The following PAM variants were observed in gnomAD, a reference collection of about 807,000 sequenced individuals.
PAM encodes the protein peptidyl-glycine alpha-amidating monooxygenase.
Under a neutral mutation model 122.1 loss-of-function variants are expected in PAM, and 72 were observed. That is an observed-to-expected ratio of 0.59 (90% CI 0.49 to 0.72). The LOEUF (loss-of-function observed/expected upper bound fraction) is 0.72. Ranked by LOEUF, PAM falls within the 30% of genes least tolerant of loss-of-function variation. PAM has a pLI of 0.00. For synonymous variants in PAM, 389 were observed against 404.4 expected (o/e 0.96, Z 0.46); for missense variants, 1,106 against 1,183.7 (o/e 0.93, Z 0.96).
chr5:102,952,973 C>T (rs1210297084), intron 12 of PAM, among the ~76,000 whole-genome samples: 1 of 152,130 alleles, frequency 6.6e-6, no homozygotes, highest in Admixed American at 6.6e-5. Context: ...TAAGGATAGG[C>T]TGGGGCCAGT....
intron 14 of PAM, among the ~76,000 whole-genome samples, chr5:102,969,573 A>G (rs1317050881): frequency 2.0e-5 from 3 of 152,178 alleles, no homozygotes; most frequent in Non-Finnish European, 4.4e-5. Flanking sequence ...GATGTTGCAA[A>G]TCAGCCTAGG....
At chr5:102,775,427 C>G (rs1340777542) in intron 1 of PAM, among the ~76,000 whole-genome samples, 1 of 152,060 alleles carries the variant, frequency 6.6e-6, no homozygotes, top group Non-Finnish European at 1.5e-5. Context: ...TTTGCTTCAC[C>G]TATCAACCCA....
intron 21 of PAM, among the ~76,000 whole-genome samples, chr5:103,015,178 C>G (rs1339680743): frequency 2.0e-5 from 3 of 152,264 alleles, no homozygotes; most frequent in African/African-American, 7.2e-5. Context: ...CCTTTTCATT[C>G]CTGAAGTACA....
intron 4 of PAM, among the ~76,000 whole-genome samples, chr5:102,913,658 C>T (rs959877840): frequency 2.0e-5 from 3 of 151,888 alleles, no homozygotes; most frequent in Non-Finnish European, 2.9e-5. Context: ...CCATATAATG[C>T]CCTCACCACT....
chr5:102,974,075 A>T (rs1284920573), intron 14 of PAM, 41 bp from the exon 15 acceptor site: 2 of 1,429,620 alleles, frequency 1.4e-6, no homozygotes, highest in Middle Eastern at 1.8e-4. Context: ...TTGCAATCTT[A>T]TCTACCCTCC....
intron 1 of PAM, among the ~76,000 whole-genome samples, chr5:102,796,580 G>T (rs1763437290): frequency 2.6e-5 from 4 of 152,140 alleles, no homozygotes; most frequent in African/African-American, 9.7e-5. Context: ...AGCCAAATAA[G>T]ATTAGAGAAA....
At chr5:102,840,612 T>C (rs1778316719) in intron 1 of PAM, among the ~76,000 whole-genome samples, 1 of 152,188 alleles carries the variant, frequency 6.6e-6, no homozygotes, top group South Asian at 2.1e-4. Context: ...ATCAATATCA[T>C]GAATGAAAGA....
chr5:102,839,177 C>G (rs1229090212), intron 1 of PAM, among the ~76,000 whole-genome samples: 1 of 152,148 alleles, frequency 6.6e-6, no homozygotes, highest in Non-Finnish European at 1.5e-5. Context: ...TACTCTCTAT[C>G]AAAACAAGCT....
chr5:102,764,600 T>C, intron 1 of PAM, among the ~76,000 whole-genome samples: 1 of 152,134 alleles, frequency 6.6e-6, no homozygotes, highest in Non-Finnish European at 1.5e-5. Context: ...GGAAGAAAAG[T>C]GTTAAGAATG....
intron 12 of PAM, among the ~76,000 whole-genome samples, chr5:102,952,304 A>C (rs1759212983): frequency 6.6e-6 from 1 of 152,168 alleles, no homozygotes; most frequent in African/African-American, 2.4e-5. Context: ...ATGACTTGTT[A>C]TAGTACTAGG....
chr5:102,904,944 C>G (rs544653994), intron 4 of PAM, among the ~76,000 whole-genome samples: 99 of 151,674 alleles, frequency 6.5e-4, no homozygotes, highest in African/African-American at 2.4e-3. Flanking sequence ...GTTATATTTA[C>G]ATATGAGCAT....
chr5:102,846,937 T>G (rs774057041), intron 1 of PAM, among the ~76,000 whole-genome samples: 1 of 152,170 alleles, frequency 6.6e-6, no homozygotes, highest in Non-Finnish European at 1.5e-5. Context: ...AGGGAGAGAT[T>G]TTTGGATGGA....
rs71226933 is a variant in PAM at position 102,842,205 on chromosome 5, A to AATATATATATATATATATATATAT, written c.-373-23596_-373-23595insATATATATATATATATATATATAT. ...TTTAACTTTACAAAAATACAACCTA[A>AATATATATATATATATATATATAT]ATATATATATATATATATATATCTC... is the stretch of plus-strand genomic sequence containing the variant. On this transcript the variant is annotated intron_variant, in intron 1 of 25. Coordinates refer to ENST00000438793, the MANE Select transcript of PAM (RefSeq NM_001177306.2). Among the ~76,000 whole-genome samples, 215 of 142,896 alleles carry AATATATATATATATATATATATAT rather than the reference A, an allele frequency of 1.5e-3. 1 individual carries two copies. The highest frequency in any genetic ancestry group is 5.5e-3 in the African/African-American group (210 of 38,196). The allele number at this position is 142,896 out of a possible 152,430, so 93.7% of individuals were successfully genotyped here.
At chr5:102,931,306 C>G (rs1751431792) in intron 7 of PAM, among the ~76,000 whole-genome samples, 1 of 152,290 alleles carries the variant, frequency 6.6e-6, no homozygotes, top group East Asian at 1.9e-4. Flanking sequence ...GTTTCGTGTT[C>G]TCCACAGCAG....
At chr5:102,851,766 C>T (rs1012248470) in intron 1 of PAM, among the ~76,000 whole-genome samples, 15 of 152,242 alleles carry the variant, frequency 9.9e-5, no homozygotes, top group Middle Eastern at 3.4e-3. Flanking sequence ...AAGAGAAATA[C>T]GGCATGTTAG....
chr5:102,796,447 A>G (rs189187718), intron 1 of PAM, among the ~76,000 whole-genome samples: 12 of 152,312 alleles, frequency 7.9e-5, no homozygotes, highest in Non-Finnish European at 1.3e-4. Context: ...TTCACCTTTT[A>G]AATAAGGCAA....
chr5:103,006,008 C>T (rs368611567), intron 18 of PAM, among the ~76,000 whole-genome samples: 16 of 152,128 alleles, frequency 1.1e-4, no homozygotes, highest in African/African-American at 3.6e-4. Context: ...GATCTTGGCT[C>T]ACTACAGCCT....
chr5:102,812,580 G>C (rs1768272426), intron 1 of PAM, among the ~76,000 whole-genome samples: 1 of 152,036 alleles, frequency 6.6e-6, no homozygotes, highest in Non-Finnish European at 1.5e-5. Context: ...CCCTTGCTTA[G>C]ACAATGGCTT....
intron 15 of PAM, among the ~76,000 whole-genome samples, chr5:102,977,728 G>A (rs1181746467): frequency 6.6e-6 from 1 of 150,968 alleles, no homozygotes; most frequent in Non-Finnish European, 1.5e-5. Flanking sequence ...AAGCAGTTCT[G>A]TATGTGGCCA....
Sources: gnomAD v4.1 joint callset for allele counts (sites outside exome capture counted in the v4.1 genomes callset) on GRCh38, gnomAD v4.1.1 for gene constraint, MANE v1.5 for transcripts, NCBI Gene and HGNC (gene_info 2026-07-23, HGNC 2026-07-21) for gene names.